The following DNAH3 variants were observed in gnomAD, a reference collection of about 807,000 sequenced individuals.
DNAH3 encodes dynein axonemal heavy chain 3.
A neutral mutation model predicts 432.5 loss-of-function variants in DNAH3; 332 were observed. That is an observed-to-expected ratio of 0.77 (90% CI 0.70 to 0.84). The LOEUF is 0.84. Ranked by LOEUF, DNAH3 falls within the 40% of genes least tolerant of loss-of-function variation. The probability of loss-of-function intolerance (pLI) is 0.00; values close to 1 mark genes in which losing one functional copy is unlikely to be tolerated. For synonymous variants in DNAH3, 1,956 were observed against 1,900.2 expected (o/e 1.03, Z -0.76); for missense variants, 4,861 against 5,114.0 (o/e 0.95, Z 1.51).
chr16:20,987,903 C>T, intron 45 of DNAH3, 39 bp downstream of exon 45: 6 of 1,614,032 alleles, frequency 3.7e-6, no homozygotes. Context: ...AACTGAGAAC[C>T]CCCAGCCCAC....
intron 18 of DNAH3, among the ~76,000 whole-genome samples, chr16:21,091,140 G>A (rs187177216): frequency 4.6e-5 from 7 of 152,016 alleles, no homozygotes; most frequent in South Asian, 2.1e-4. Flanking sequence ...GTGGCAGAGC[G>A]AGACCCCATC....
chr16:21,117,460 C>T, intron 11 of DNAH3, 121 bp from the exon 12 acceptor site: 2 of 675,078 alleles, frequency 3.0e-6, no homozygotes, highest in Non-Finnish European at 5.3e-6. Flanking sequence ...TACTCTATTT[C>T]CTCTTAGATA....
At chr16:20,967,630 G>T (rs934668200) in intron 52 of DNAH3, among the ~76,000 whole-genome samples, 1 of 148,974 alleles carries the variant, frequency 6.7e-6, no homozygotes, top group Non-Finnish European at 1.5e-5. Flanking sequence ...AGCCTTCCGT[G>T]TAGCTGGGAT....
intron 12 of DNAH3, among the ~76,000 whole-genome samples, chr16:21,112,556 C>G (rs951948976): frequency 2.6e-5 from 4 of 152,266 alleles, no homozygotes; most frequent in African/African-American, 7.2e-5. Flanking sequence ...TAGACTTATT[C>G]ACTATCATGA....
chr16:21,137,683 A>T (rs1037036054), intron 5 of DNAH3, among the ~76,000 whole-genome samples: 5 of 151,936 alleles, frequency 3.3e-5, no homozygotes, highest in Non-Finnish European at 2.9e-5. Flanking sequence ...TTGGCCTCCC[A>T]AAGTGCTGGA....
intron 18 of DNAH3, among the ~76,000 whole-genome samples, chr16:21,094,750 T>C (rs2091631298): frequency 6.6e-6 from 1 of 152,148 alleles, no homozygotes; most frequent in African/African-American, 2.4e-5. Context: ...TCATCTAGAA[T>C]TATAGTTCCC....
intron 56 of DNAH3, among the ~76,000 whole-genome samples, chr16:20,950,006 T>C (rs1431790584): frequency 3.3e-5 from 5 of 152,190 alleles, no homozygotes; most frequent in African/African-American, 1.2e-4. Context: ...ATGGTTCACT[T>C]CTATTTATTA....
chr16:20,961,178 C>T (rs2106449), intron 53 of DNAH3, among the ~76,000 whole-genome samples: 10,843 of 152,234 alleles, frequency 0.071, 522 homozygotes, highest in East Asian at 0.17. Flanking sequence ...CGAACTGCAT[C>T]GTGTCCCTAG....
chr16:21,052,372 T>C (rs906454213), intron 28 of DNAH3, among the ~76,000 whole-genome samples: 7 of 152,220 alleles, frequency 4.6e-5, no homozygotes, highest in African/African-American at 1.4e-4. Context: ...TGGTCTTTGC[T>C]TTCTCCCAAA....
At chr16:21,157,927 G>A (rs1325181104) in intron 1 of DNAH3, among the ~76,000 whole-genome samples, 2 of 151,784 alleles carry the variant, frequency 1.3e-5, no homozygotes. Context: ...GGGGGGGGCG[G>A]TTCTTGTAAC....
Position 21,139,660 on chromosome 16 carries a change from G to C in DNAH3, c.696+876C>G, listed in dbSNP as rs138240453. 2.8e-4 allele frequency among the ~76,000 whole-genome samples: 43 copies of C among 151,430 alleles called. No homozygotes were observed. In the East Asian group the frequency reaches 4.1e-3, roughly 14 times the overall value. On this transcript the variant is annotated intron_variant, in intron 5 of 61. Coordinates refer to ENST00000261383, the Ensembl canonical transcript of DNAH3. ...CCCAGCTAATTTTTGTAGAGATTGG[G>C]TTTCTCCATGTTACCCAGGCTGGTC...
intron 1 of DNAH3, among the ~76,000 whole-genome samples, chr16:21,153,733 C>G (rs1258918174): frequency 6.6e-6 from 1 of 152,072 alleles, no homozygotes; most frequent in East Asian, 1.9e-4. Flanking sequence ...GGAACAAACT[C>G]CAGACGCGCT....
intron 48 of DNAH3, among the ~76,000 whole-genome samples, chr16:20,983,804 G>A (rs1364706170): frequency 6.6e-6 from 1 of 151,900 alleles, no homozygotes; most frequent in Non-Finnish European, 1.5e-5. Context: ...TTTGAGCCCA[G>A]GAGTTTCAGA....
At chr16:21,059,067 T>A (rs1029131397) in intron 26 of DNAH3, among the ~76,000 whole-genome samples, 1 of 152,242 alleles carries the variant, frequency 6.6e-6, no homozygotes, top group African/African-American at 2.4e-5. Context: ...TTAAATATTG[T>A]CTGATGCTTT....
chr16:20,945,315 A>T (rs564432049), intron 57 of DNAH3, among the ~76,000 whole-genome samples: 1 of 152,224 alleles, frequency 6.6e-6, no homozygotes, highest in Admixed American at 6.5e-5. Context: ...AAGTTGCCCT[A>T]TATAGTCTAG....
intron 31 of DNAH3, among the ~76,000 whole-genome samples, chr16:21,048,855 A>G (rs1181370905): frequency 1.3e-5 from 2 of 151,924 alleles, no homozygotes; most frequent in Non-Finnish European, 2.9e-5. Context: ...CACCATGCCC[A>G]GCTGATTTTT....
chr16:21,052,689 T>C (rs1241153331), intron 28 of DNAH3, among the ~76,000 whole-genome samples: 1 of 152,234 alleles, frequency 6.6e-6, no homozygotes, highest in African/African-American at 2.4e-5. Flanking sequence ...TATGAAAATG[T>C]TATACAGGTA....
intron 54 of DNAH3, among the ~76,000 whole-genome samples, chr16:20,955,890 CTCTT>C (rs994688135): frequency 1.3e-5 from 2 of 151,710 alleles, no homozygotes; most frequent in Non-Finnish European, 2.9e-5. Flanking sequence ...GCATCTGAGG[CTCTT>C]TTTTTTCATT....
At chr16:21,153,699 T>G (rs558386390) in intron 1 of DNAH3, among the ~76,000 whole-genome samples, 1 of 151,988 alleles carries the variant, frequency 6.6e-6, no homozygotes, top group South Asian at 2.1e-4. Context: ...AGGAAGAAAC[T>G]CCGAACACAT....
Sources: gnomAD v4.1 joint callset for allele counts (sites outside exome capture counted in the v4.1 genomes callset) on GRCh38, gnomAD v4.1.1 for gene constraint, MANE v1.5 for transcripts, NCBI Gene and HGNC (gene_info 2026-07-23, HGNC 2026-07-21) for gene names.